The following BCAR3 variants were observed in gnomAD, a reference collection of about 807,000 sequenced individuals.
BCAR3 encodes the protein BCAR3 adaptor protein, NSP family member.
BCAR3 carries 37 observed loss-of-function variants against 80.1 expected under a neutral mutation model. The observed-to-expected ratio is 0.46, with a 90% CI of 0.36 to 0.61. The LOEUF (loss-of-function observed/expected upper bound fraction) is 0.61, where lower values mean the gene tolerates loss of function less well. Ranked by LOEUF, BCAR3 falls within the 20% of genes least tolerant of loss-of-function variation. The probability of loss-of-function intolerance (pLI) is 0.00; values close to 1 mark genes in which losing one functional copy is unlikely to be tolerated. For missense variants in BCAR3, 978 were observed against 1,068.2 expected (o/e 0.92, Z 1.18); for synonymous variants, 389 against 418.9 (o/e 0.93, Z 0.87).
chr1:93,808,368 A>G (rs1214110303), intron 2 of BCAR3, among the ~76,000 whole-genome samples: 1 of 152,210 alleles, frequency 6.6e-6, no homozygotes, highest in Non-Finnish European at 1.5e-5. Flanking sequence ...GTAATATAGT[A>G]TTTGACCTAG....
intron 2 of BCAR3, among the ~76,000 whole-genome samples, chr1:93,647,783 G>GTT (rs371056301): frequency 0.014 from 2,030 of 147,804 alleles, 18 homozygotes; most frequent in Non-Finnish European, 0.021. Flanking sequence ...CTTGAAATAT[G>GTT]TTTTTTTTTT....
chr1:93,619,676 G>A (rs1420797708), intron 3 of BCAR3, among the ~76,000 whole-genome samples: 1 of 152,204 alleles, frequency 6.6e-6, no homozygotes, highest in African/African-American at 2.4e-5. Context: ...ATGGGCAGAC[G>A]GGCATCTGCG....
At chr1:93,753,013 C>A (rs1651616448) in intron 2 of BCAR3, 1 of 152,184 alleles carries the variant, frequency 6.6e-6, no homozygotes, top group African/African-American at 2.4e-5. Flanking sequence ...ATGTGACGCA[C>A]AGTGCTAAGT....
chr1:93,633,889 C>T (rs1007207777), intron 3 of BCAR3, among the ~76,000 whole-genome samples: 4 of 152,206 alleles, frequency 2.6e-5, no homozygotes, highest in African/African-American at 4.8e-5. Flanking sequence ...CCGCCTGCCT[C>T]GGCCTCCCAA....
Position 93,567,866 on chromosome 1 carries a change from G to C in BCAR3, c.1975-15C>G. On this transcript the variant is annotated splice_polypyrimidine_tract_variant and intron_variant, in intron 9 of 11. Transcript: ENST00000260502. ...AACCTTGTGATCTGGAAGAAAGGTG[G>C]TGTTTTGGAAAAGGTTCTTTTTAAA... 1 of 1,602,152 alleles carries C rather than the reference G, an allele frequency of 6.2e-7. No individual in the cohort carries two copies. The highest frequency in any genetic ancestry group is 8.6e-7 in the Non-Finnish European group (1 of 1,169,120).
chr1:93,565,989 A>G (rs1672932925), intron 11 of BCAR3, among the ~76,000 whole-genome samples: 1 of 152,196 alleles, frequency 6.6e-6, no homozygotes, highest in South Asian at 2.1e-4. Context: ...GCAAACCTTC[A>G]GCCTTCCAGC....
Position 93,591,973 on chromosome 1 carries a change from G to A in BCAR3, c.486+292C>T, listed in dbSNP as rs145886159. ...CACAGCCCGCCCTCCTAGTTCTTCC[G>A]GTTACTGACTCTGTGGCTGCTGCCT... On this transcript the variant is annotated intron_variant, in intron 4 of 11. Transcript: ENST00000260502. Among the ~76,000 whole-genome samples the A allele has an allele frequency of 1.1e-3, 165 of 152,310 alleles. 1 individual carries two copies. Among genetic ancestry groups the A allele is most frequent in the African/African-American group, 3.8e-3 (160 of 41,574 alleles).
chr1:93,642,159 G>A lies in BCAR3; in HGVS notation c.357+145C>T, dbSNP rs148777864. 2.0e-4 allele frequency: 179 copies of A among 880,410 alleles called. No individual in the cohort carries two copies. The African/African-American group carries it at 2.4e-3, about 12-fold the overall frequency. 54.5% of individuals were successfully genotyped at this position (880,410 alleles called of 1,614,324 possible). ...TACAAAATTTACCAAAGGCCTAAGG[G>A]AGTCAAATTTCCTCCCTGTTGTTTT... On this transcript the variant is annotated intron_variant, in intron 3 of 11. Transcript: ENST00000260502.
chr1:93,774,837 A>G (rs1652489725), intron 2 of BCAR3, among the ~76,000 whole-genome samples: 1 of 152,206 alleles, frequency 6.6e-6, no homozygotes, highest in African/African-American at 2.4e-5. Flanking sequence ...GGTTACTCAA[A>G]TTGCCTCTCT....
At chr1:93,734,838 A>G (rs1307517167) in intron 2 of BCAR3, among the ~76,000 whole-genome samples, 1 of 152,150 alleles carries the variant, frequency 6.6e-6, no homozygotes, top group Admixed American at 6.5e-5. Context: ...TTTCTGTGCG[A>G]AACGCTTTCC....
intron 2 of BCAR3, among the ~76,000 whole-genome samples, chr1:93,646,115 A>G (rs1390096757): frequency 6.6e-6 from 1 of 152,246 alleles, no homozygotes; most frequent in Non-Finnish European, 1.5e-5. Context: ...AAAAATATAT[A>G]AAAGCACTTA....
Position 93,582,701 on chromosome 1 carries a change from T to C in BCAR3, c.1286A>G (p.Tyr429Cys). Residue 429 changes from tyrosine (Y) to cysteine (C), a missense_variant, in exon 7 of 12, where the codon TAC becomes TGC. Transcript: ENST00000260502. ...GGCAAACGCTGGGTTCAGTTCACAG[T>C]AGTTGGCCTCTGAGTTGAGCCAGGC... is the stretch of plus-strand genomic sequence containing the variant. The part of the protein sequence containing the change: ...PSAWLNSEAN[Y>C]CELNPAFATG... 6 of 1,613,996 alleles carry C rather than the reference T, an allele frequency of 3.7e-6. No homozygotes were observed. Among genetic ancestry groups the C allele is most frequent in the Non-Finnish European group, 5.1e-6 (6 of 1,179,970 alleles).
intron 3 of BCAR3, among the ~76,000 whole-genome samples, chr1:93,627,139 T>C (rs759025691): frequency 7.2e-5 from 11 of 152,212 alleles, no homozygotes; most frequent in Non-Finnish European, 1.3e-4. Context: ...TCTGATGAGA[T>C]CGGTGGTCAT....
chr1:93,614,171 T>C (rs1020816641), intron 3 of BCAR3: 1 of 1,278,886 alleles, frequency 7.8e-7, no homozygotes, highest in Non-Finnish European at 9.9e-7. Flanking sequence ...CAGCCTGCCA[T>C]GCACACAGTG....
At chr1:93,766,546 G>C (rs1652157499) in intron 2 of BCAR3, among the ~76,000 whole-genome samples, 2 of 152,216 alleles carry the variant, frequency 1.3e-5, no homozygotes, top group Admixed American at 1.3e-4. Flanking sequence ...CTTGTTGCCT[G>C]GTTTGCTGAC....
chr1:93,582,611 G>A lies in BCAR3; in HGVS notation c.1376C>T (p.Thr459Ile), dbSNP rs766452742. The A allele has an allele frequency of 1.2e-6, 2 of 1,613,768 alleles. No homozygotes were observed. The highest frequency in any genetic ancestry group is 1.7e-5 in the Admixed American group (1 of 59,966). The change falls in exon 7 of 12, where the codon ACA becomes ATA. Residue 459 changes from threonine to isoleucine, a missense_variant. By Grantham distance (89) the Thr-to-Ile change is moderately conservative. Coordinates refer to ENST00000260502, the MANE Select transcript of BCAR3 (RefSeq NM_003567.4). ...ACCTGGCGCCTCATTCTGCTTGGCT[G>A]TGAGCAGTTCTGTGTGGCTTCCCTG... ...CAQGSHTELL[T>I]AKQNEAPGPR...
intron 2 of BCAR3, among the ~76,000 whole-genome samples, chr1:93,734,628 C>G (rs1650912575): frequency 6.6e-6 from 1 of 152,164 alleles, no homozygotes; most frequent in Admixed American, 6.5e-5. Flanking sequence ...CCATCTAGTG[C>G]AGAGGCTGTT....
chr1:93,846,970 T>TC (rs1655229422), intron 1 of BCAR3: 2 of 233,284 alleles, frequency 8.6e-6, no homozygotes, highest in Non-Finnish European at 1.7e-5. Flanking sequence ...CACACAGACG[T>TC]CGCGCGGCGG....
intron 3 of BCAR3, among the ~76,000 whole-genome samples, chr1:93,696,283 A>G (rs1649398187): frequency 6.6e-6 from 1 of 152,138 alleles, no homozygotes; most frequent in Admixed American, 6.5e-5. Context: ...CACACTCCAC[A>G]GCCAGCTTCC....
Sources: gnomAD v4.1 joint callset for allele counts (sites outside exome capture counted in the v4.1 genomes callset) on GRCh38, gnomAD v4.1.1 for gene constraint, MANE v1.5 for transcripts, NCBI Gene and HGNC (gene_info 2026-07-23, HGNC 2026-07-21) for gene names.